The following PTCSC3 variants were observed in gnomAD, a reference collection of about 807,000 sequenced individuals.
The protein encoded by PTCSC3 is papillary thyroid carcinoma susceptibility candidate 3 (non-protein coding).
chr14:36,143,587 A>AT (rs1179494897), intron 3 of PTCSC3, among the ~76,000 whole-genome samples: 3 of 147,552 alleles, frequency 2.0e-5, no homozygotes, highest in African/African-American at 7.4e-5. Flanking sequence ...GGTTGCGAAA[A>AT]TTTTCTCCCA....
At chr14:36,175,666 C>T (rs1566513227) in intron 1 of PTCSC3, among the ~76,000 whole-genome samples, 1 of 152,094 alleles carries the variant, frequency 6.6e-6, no homozygotes, top group Non-Finnish European at 1.5e-5. Context: ...GAGGAAGAAC[C>T]CACTCCTTAG....
chr14:36,155,540 A>G (rs1191773677), intron 2 of PTCSC3, among the ~76,000 whole-genome samples: 1 of 152,060 alleles, frequency 6.6e-6, no homozygotes, highest in Admixed American at 6.6e-5. Flanking sequence ...TTGCAGCATA[A>G]GAGAGTCTTA....
intron 3 of PTCSC3, among the ~76,000 whole-genome samples, chr14:36,145,447 T>C (rs1881538862): frequency 6.7e-6 from 1 of 150,166 alleles, no homozygotes; most frequent in East Asian, 2.0e-4. Context: ...TTTATTTGCG[T>C]AGAGGTGTTT....
chr14:36,165,722 C>CTT lies in PTCSC3; in HGVS notation n.172-3041_172-3040dup, dbSNP rs71448056. On this transcript the variant is annotated intron_variant and non_coding_transcript_variant, in intron 1 of 3. Coordinates refer to ENST00000556013, the Ensembl canonical transcript of PTCSC3. ...GTATTTCCTGATCTATTTATTTTTC[C>CTT]TTTTTTTTTTTTTTTTTTGTAGGAA... Among the ~76,000 whole-genome samples, 9 of 124,796 alleles carry CTT rather than the reference C, an allele frequency of 7.2e-5. No homozygotes were observed. In the East Asian group the frequency reaches 9.2e-4, roughly 13 times the overall value. The allele number at this position is 124,796 out of a possible 152,430, so 81.9% of individuals were successfully genotyped here. A position where few individuals can be genotyped will look rare whatever the true frequency, so the allele number is the denominator to read the frequency against.
At chr14:36,152,737 TA>T (rs201524808) in intron 3 of PTCSC3, among the ~76,000 whole-genome samples, 1 of 150,582 alleles carries the variant, frequency 6.6e-6, no homozygotes, top group African/African-American at 2.4e-5. Context: ...CTACTAAAAA[TA>T]AAAAAAATAG....
At chr14:36,173,618 C>G (rs1388317221) in intron 1 of PTCSC3, among the ~76,000 whole-genome samples, 1 of 144,706 alleles carries the variant, frequency 6.9e-6, no homozygotes, top group Admixed American at 7.5e-5. Context: ...ATAATGATAT[C>G]TATCTTCAGC....
At chr14:36,158,288 A>G (rs575696651) in intron 2 of PTCSC3, among the ~76,000 whole-genome samples, 1 of 152,204 alleles carries the variant, frequency 6.6e-6, no homozygotes, top group African/African-American at 2.4e-5. Flanking sequence ...TTCCAATATT[A>G]TGTTGACTAG....
downstream of PTCSC3, among the ~76,000 whole-genome samples, chr14:36,135,146 A>G (rs1881257200): frequency 6.6e-6 from 1 of 152,240 alleles, no homozygotes; most frequent in South Asian, 2.1e-4. Context: ...GGAAAACCTG[A>G]AAACGTATCA....
chr14:36,175,490 C>T (rs889366212), intron 1 of PTCSC3, among the ~76,000 whole-genome samples: 1 of 152,186 alleles, frequency 6.6e-6, no homozygotes, highest in African/African-American at 2.4e-5. Flanking sequence ...AGAACCACAG[C>T]ACTTTCTATG....
At position 36,162,258 on chromosome 14, in the gene PTCSC3, G is replaced by GAAA. The variant is rs58223160; in HGVS notation, n.231+363_231+365dup. ...GCGTTCCAGGAGCTGCTGGGGTATG[G>GAAA]AAAAAAAAAAAAAAAAAAAAAAAAA... is the stretch of plus-strand genomic sequence containing the variant. On this transcript the variant is annotated intron_variant and non_coding_transcript_variant, in intron 2 of 3. Coordinates refer to ENST00000556013, the Ensembl canonical transcript of PTCSC3. Among the ~76,000 whole-genome samples, 305 of 106,532 alleles carry GAAA rather than the reference G, an allele frequency of 2.9e-3. 13 individuals are homozygous for GAAA. The highest frequency in any genetic ancestry group is 0.013 in the African/African-American group (261 of 20,762). 69.9% of individuals were successfully genotyped at this position (106,532 alleles called of 152,430 possible).
At chr14:36,142,646 T>C (rs1010420263) in intron 3 of PTCSC3, among the ~76,000 whole-genome samples, 4 of 152,094 alleles carry the variant, frequency 2.6e-5, no homozygotes, top group African/African-American at 4.8e-5. Context: ...TAATTGCTCA[T>C]TCAATTTCTT....
chr14:36,164,805 G>T (rs1223905722), intron 1 of PTCSC3, among the ~76,000 whole-genome samples: 1 of 152,124 alleles, frequency 6.6e-6, no homozygotes, highest in Non-Finnish European at 1.5e-5. Context: ...AGAGATTCCT[G>T]TAGAACATTA....
chr14:36,154,233 T>C (rs1037523825), intron 2 of PTCSC3, among the ~76,000 whole-genome samples: 10 of 152,296 alleles, frequency 6.6e-5, no homozygotes, highest in Admixed American at 6.5e-4. Flanking sequence ...GGGGACACCA[T>C]GAGGGCTTCT....
At chr14:36,147,708 A>G (rs1267231295) in intron 3 of PTCSC3, among the ~76,000 whole-genome samples, 1 of 152,026 alleles carries the variant, frequency 6.6e-6, no homozygotes, top group Non-Finnish European at 1.5e-5. Context: ...CTGGTGAGGA[A>G]CTGCGTTCCT....
chr14:36,153,282 G>A (rs1881762235), intron 3 of PTCSC3, among the ~76,000 whole-genome samples: 1 of 152,028 alleles, frequency 6.6e-6, no homozygotes, highest in Admixed American at 6.6e-5. Flanking sequence ...ATCATATTGG[G>A]GGTTAGGATT....
chr14:36,155,485 A>T (rs1226722835), intron 2 of PTCSC3, among the ~76,000 whole-genome samples: 3 of 151,990 alleles, frequency 2.0e-5, no homozygotes, highest in African/African-American at 7.2e-5. Flanking sequence ...ATATACATAT[A>T]TAATAGCTTA....
intron 3 of PTCSC3, among the ~76,000 whole-genome samples, chr14:36,137,391 C>G (rs1050647766): frequency 6.6e-6 from 1 of 152,144 alleles, no homozygotes; most frequent in Non-Finnish European, 1.5e-5. Flanking sequence ...AGATTATACT[C>G]TGAATGAGAT....
intron 2 of PTCSC3, among the ~76,000 whole-genome samples, chr14:36,156,040 T>C (rs903664931): frequency 6.6e-6 from 1 of 152,214 alleles, no homozygotes; most frequent in African/African-American, 2.4e-5. Context: ...TTTCCCCTCA[T>C]GACAGTACCA....
intron 1 of PTCSC3, among the ~76,000 whole-genome samples, chr14:36,167,902 C>A (rs1286465072): frequency 6.6e-6 from 1 of 152,076 alleles, no homozygotes; most frequent in Non-Finnish European, 1.5e-5. Flanking sequence ...AATATGCTAA[C>A]CTTGGTATTT....
Sources: allele counts gnomAD v4.1 joint callset (sites outside exome capture counted in the v4.1 genomes callset), GRCh38; gene constraint gnomAD v4.1.1; transcripts MANE v1.5; gene names NCBI Gene and HGNC (gene_info 2026-07-23, HGNC 2026-07-21).